Variants in TANC1 observed in about 807,000 individuals in gnomAD.
The protein encoded by TANC1 is protein TANC1.
Under a neutral mutation model 149.7 loss-of-function variants are expected in TANC1, and 77 were observed. The observed-to-expected ratio is 0.51, with a 90% CI of 0.43 to 0.62. TANC1 has a LOEUF of 0.62. TANC1 is among the 20% of genes least tolerant of loss of function. The pLI is 0.00. For missense variants in TANC1, 1,985 were observed against 2,321.8 expected (o/e 0.85, Z 2.98); for synonymous variants, 854 against 925.0 (o/e 0.92, Z 1.39).
intron 1 of TANC1, among the ~76,000 whole-genome samples, chr2:158,975,420 A>C (rs2033532208): frequency 6.6e-6 from 1 of 152,132 alleles, no homozygotes; most frequent in Non-Finnish European, 1.5e-5. Flanking sequence ...TTAAGCCATC[A>C]ATTTTAGTAA....
chr2:159,019,664 T>G (rs2038634382), intron 2 of TANC1, among the ~76,000 whole-genome samples: 5 of 43,352 alleles, frequency 1.2e-4, no homozygotes, highest in East Asian at 1.3e-3. Flanking sequence ...TTTTTTTTTT[T>G]TTTTTTTTTT....
intron 11 of TANC1, among the ~76,000 whole-genome samples, chr2:159,173,431 CTCGTCTCTACTAA>C (rs2055480089): frequency 6.6e-6 from 1 of 152,106 alleles, no homozygotes; most frequent in Non-Finnish European, 1.5e-5. Flanking sequence ...ATATTGAAAC[CTCGTCTCTACTAA>C]AAATACAAAA....
intron 4 of TANC1, among the ~76,000 whole-genome samples, chr2:159,107,022 G>A (rs1340898531): frequency 2.9e-5 from 3 of 102,148 alleles, no homozygotes; most frequent in Middle Eastern, 5.5e-3. Flanking sequence ...TTTGTTTTTT[G>A]TTTGTTTGTT....
chr2:158,973,135 G>C (rs1483338326), intron 1 of TANC1, among the ~76,000 whole-genome samples: 1 of 152,154 alleles, frequency 6.6e-6, no homozygotes, highest in African/African-American at 2.4e-5. Context: ...TGTTGCAGAG[G>C]GATGACATAG....
At chr2:159,011,842 G>A (rs929282163) in intron 2 of TANC1, among the ~76,000 whole-genome samples, 3 of 152,166 alleles carry the variant, frequency 2.0e-5, no homozygotes, top group Non-Finnish European at 2.9e-5. Flanking sequence ...CTGCTTCCTG[G>A]CAGTGTTGGG....
At position 159,065,645 on chromosome 2, in the gene TANC1, T is replaced by G. The variant is rs191403540; in HGVS notation, c.-15-251T>G. On this transcript the variant is annotated intron_variant, in intron 2 of 26. Transcript: ENST00000263635. ...AATGCTGAGAATGCACTATTGTTTT[T>G]TTTTTTTTTTAGCTTTTCTAACAAC... Among the ~76,000 whole-genome samples the G allele has an allele frequency of 3.4e-4, 52 of 152,134 alleles. 1 individual carries two copies. The East Asian group carries it at 9.5e-3, about 28-fold the overall frequency.
intron 11 of TANC1, among the ~76,000 whole-genome samples, chr2:159,174,304 C>A (rs2055601829): frequency 1.3e-5 from 2 of 152,164 alleles, no homozygotes; most frequent in South Asian, 4.1e-4. Flanking sequence ...CTCTCAGTAC[C>A]TGGGCAGCTC....
At chr2:159,100,290 G>C (rs1158196725) in intron 4 of TANC1, among the ~76,000 whole-genome samples, 1 of 152,162 alleles carries the variant, frequency 6.6e-6, no homozygotes, top group Non-Finnish European at 1.5e-5. Flanking sequence ...TGGGACTTTA[G>C]GTGGGATTGA....
chr2:159,047,381 A>T (rs1005922531), intron 2 of TANC1, among the ~76,000 whole-genome samples: 33 of 152,194 alleles, frequency 2.2e-4, no homozygotes, highest in Non-Finnish European at 2.6e-4. Context: ...TAATTTCCTA[A>T]ATAAAGAAGG....
At chr2:159,108,416 A>AC (rs1374793647) in intron 4 of TANC1, among the ~76,000 whole-genome samples, 1 of 152,168 alleles carries the variant, frequency 6.6e-6, no homozygotes, top group African/African-American at 2.4e-5. Context: ...TGTCAGCTGC[A>AC]CCCTGTGGTG....
In TANC1 at chr2:159,230,591, C is replaced by T. The variant is rs552040772; in HGVS notation, c.5165C>T (p.Pro1722Leu). ...GTAEHRPRNT[P>L]FMGIMDKTAR... ...GCTGAGCACAGACCCCGCAACACGCCGTTCATGGGCATCATGGATAAGACT... is the reference window on the plus strand; with the variant it reads ...GCTGAGCACAGACCCCGCAACACGCTGTTCATGGGCATCATGGATAAGACT... Residue 1722 changes from proline (P) to leucine (L), a missense_variant, in exon 27 of 27, where the codon CCG (proline) becomes CTG (leucine). Coordinates refer to ENST00000263635, the MANE Select transcript of TANC1 (RefSeq NM_033394.3). The surrounding 1 kb of genome is among the most constrained non-coding windows in gnomAD (Gnocchi z 4.4). The T allele has an allele frequency of 1.9e-6, 3 of 1,614,170 alleles. No homozygotes were observed. Among genetic ancestry groups the T allele is most frequent in the African/African-American group, 1.3e-5 (1 of 75,050 alleles).
intron 2 of TANC1, among the ~76,000 whole-genome samples, chr2:159,063,933 G>A (rs548253382): frequency 1.3e-5 from 2 of 152,178 alleles, no homozygotes; most frequent in Non-Finnish European, 1.5e-5. Context: ...ATGTGGTGGG[G>A]CCTGAGCTTG....
Position 159,194,428 on chromosome 2 carries a change from C to T in TANC1, c.2914C>T (p.Leu972Phe). 6.2e-7 allele frequency: 1 copy of T among 1,614,292 alleles called. No individual in the cohort carries two copies. The highest frequency in any genetic ancestry group is 8.5e-7 in the Non-Finnish European group (1 of 1,180,058). ...DGTSENGMTA[L>F]CYAAAAGHMK... ...AACGTCAGAGAACGGCATGACTGCC[C>T]TCTGTTACGCAGCAGCTGCTGGCCA... Residue 972 changes from leucine to phenylalanine, a missense_variant, in exon 17 of 27, where the codon CTC becomes TTC. Leu to Phe is a conservative substitution (Grantham distance 22, BLOSUM62 0). Coordinates refer to ENST00000263635, the MANE Select transcript of TANC1 (RefSeq NM_033394.3).
chr2:159,160,140 A>T (rs1280305180), intron 7 of TANC1, among the ~76,000 whole-genome samples: 1 of 152,208 alleles, frequency 6.6e-6, no homozygotes, highest in Non-Finnish European at 1.5e-5. Context: ...TTAAGGCCTG[A>T]TAAGTCGCTC....
chr2:159,042,584 G>A (rs2040732494), intron 2 of TANC1, among the ~76,000 whole-genome samples: 1 of 152,036 alleles, frequency 6.6e-6, no homozygotes, highest in Non-Finnish European at 1.5e-5. Flanking sequence ...TAGGAGGGGA[G>A]CTCAGGCAGA....
rs1483171073 is a variant in TANC1 at position 159,136,033 on chromosome 2, TGTGTGTGTGTGTGTGTGC to T, written c.260-159_260-142del. Among the ~76,000 whole-genome samples the T allele has an allele frequency of 4.3e-3, 265 of 61,416 alleles. 1 individual carries two copies. Among genetic ancestry groups the T allele is most frequent in the Admixed American group, 0.013 (84 of 6,378 alleles). The allele number at this position is 61,416 out of a possible 152,430, so 40.3% of individuals were successfully genotyped here. A position where few individuals can be genotyped will look rare whatever the true frequency, so the allele number is the denominator to read the frequency against. On this transcript the variant is annotated intron_variant, in intron 4 of 26. Coordinates refer to ENST00000263635, the MANE Select transcript of TANC1 (RefSeq NM_033394.3). Reference sequence around the variant, plus strand: ...GTGTGTGTGTGTGTGTGTGTGTGTGTGTGTGTGTGTGTGTGTGCGCGCGCGCGCGTTTAAGGGAGGGGA... The same window carrying T: ...GTGTGTGTGTGTGTGTGTGTGTGTGTGCGCGCGCGCGTTTAAGGGAGGGGA...
chr2:159,181,035 G>A (rs2150560281), intron 14 of TANC1, among the ~76,000 whole-genome samples: 1 of 152,230 alleles, frequency 6.6e-6, no homozygotes, highest in Middle Eastern at 3.4e-3. Context: ...TCGTATTTTT[G>A]CCCTAATTAT....
At chr2:159,162,115 TC>T (rs1156467027) in intron 7 of TANC1, among the ~76,000 whole-genome samples, 1 of 152,244 alleles carries the variant, frequency 6.6e-6, no homozygotes, top group African/African-American at 2.4e-5. Flanking sequence ...AATAGTTTTG[TC>T]TTTACTTCTA....
At chr2:159,092,500 T>A (rs1380147183) in intron 3 of TANC1, among the ~76,000 whole-genome samples, 1 of 152,220 alleles carries the variant, frequency 6.6e-6, no homozygotes, top group Non-Finnish European at 1.5e-5. Flanking sequence ...AATAAAGAAC[T>A]GTTATCAAAA....
Sources: gnomAD v4.1 joint callset for allele counts (sites outside exome capture counted in the v4.1 genomes callset) on GRCh38, gnomAD v4.1.1 for gene constraint, Gnocchi (gnomAD v3.1) non-coding constraint, MANE v1.5 for transcripts, NCBI Gene and HGNC (gene_info 2026-07-23, HGNC 2026-07-21) for gene names.